DNTTIP1: variants seen among roughly 807,000 people sequenced by gnomAD.
DNTTIP1 encodes the protein deoxynucleotidyltransferase terminal interacting protein 1, also known as deoxynucleotidyltransferase terminal-interacting protein 1.
Under a neutral mutation model 52.9 loss-of-function variants are expected in DNTTIP1, and 22 were observed. That is an observed-to-expected ratio of 0.42 (90% CI 0.30 to 0.59). The LOEUF (loss-of-function observed/expected upper bound fraction) is 0.59. Among genes scored for constraint, DNTTIP1 ranks in the 20% least tolerant of loss-of-function variants. DNTTIP1 has a pLI of 0.22. For synonymous variants in DNTTIP1, 136 were observed against 155.1 expected (o/e 0.88, Z 0.92); for missense variants, 286 against 435.5 (o/e 0.66, Z 3.06).
At chr20:45,805,873 T>G (rs989647976) in intron 10 of DNTTIP1, among the ~76,000 whole-genome samples, 2 of 149,928 alleles carry the variant, frequency 1.3e-5, no homozygotes, top group Admixed American at 6.6e-5. Flanking sequence ...CACCTGAAGT[T>G]GGGAGTTCGA....
chr20:45,807,097 G>A (rs139310403), intron 10 of DNTTIP1, among the ~76,000 whole-genome samples: 128 of 151,720 alleles, frequency 8.4e-4, no homozygotes, highest in Non-Finnish European at 1.5e-3. Context: ...TTTTTGTCCT[G>A]TATAAAATGA....
At position 45,803,390 on chromosome 20, in the gene DNTTIP1, T is replaced by C. The variant is rs1210118980; in HGVS notation, c.603+12T>C. 2 of 1,614,060 alleles carry C rather than the reference T, an allele frequency of 1.2e-6. No individual in the cohort carries two copies. Among genetic ancestry groups the C allele is most frequent in the Non-Finnish European group, 1.7e-6 (2 of 1,179,980 alleles). The stretch of plus-strand genomic sequence containing the variant: ...GGGAAGGCCCCAAGGTATGATTATG[T>C]GAGCATGGCAGAGATCACGATCCCA... On this transcript the variant is annotated intron_variant, in intron 8 of 12. Transcript: ENST00000372622.
chr20:45,801,060 C>T lies in DNTTIP1; in HGVS notation c.373-14C>T, dbSNP rs753989367. On this transcript the variant is annotated splice_polypyrimidine_tract_variant and intron_variant, in intron 4 of 12. Transcript: ENST00000372622. The stretch of plus-strand genomic sequence containing the variant: ...AAAATAGTGACTGGTAACACTTGGT[C>T]TTTTTCCCTTCAGGCTAAACTGCTC... 6.2e-7 allele frequency: 1 copy of T among 1,612,716 alleles called. No homozygotes were observed. Among genetic ancestry groups the T allele is most frequent in the Non-Finnish European group, 8.5e-7 (1 of 1,179,192 alleles).
chr20:45,801,687 C>T (rs1018909979), intron 6 of DNTTIP1, among the ~76,000 whole-genome samples: 2 of 152,126 alleles, frequency 1.3e-5, no homozygotes, highest in Non-Finnish European at 2.9e-5. Context: ...ACATGAGAGG[C>T]TGCAGTGGGA....
In DNTTIP1 at chr20:45,811,258, G is replaced by A. The variant is rs6104353; in HGVS notation, c.*63G>A. The A allele has an allele frequency of 1.9e-6, 3 of 1,541,418 alleles. No individual in the cohort carries two copies. In the African/African-American group the frequency reaches 4.1e-5, roughly 21 times the overall value. ...AAAGCCCTCTTCCTCACGTGGCTGAGGCCACCGCTGGGACTGCTCCTAGAT... is the reference window on the plus strand; with the variant it reads ...AAAGCCCTCTTCCTCACGTGGCTGAAGCCACCGCTGGGACTGCTCCTAGAT... On this transcript the variant is annotated 3_prime_UTR_variant, in exon 13 of 13. Transcript: ENST00000372622.
intron 8 of DNTTIP1, 74 bp from the exon 9 acceptor site, chr20:45,805,072 T>C (rs1969737468): frequency 5.5e-6 from 7 of 1,274,746 alleles, no homozygotes; most frequent in Middle Eastern, 2.1e-4. Flanking sequence ...TAGAAAAGGG[T>C]AGGGGGAGGA....
At chr20:45,795,508 G>T in intron 4 of DNTTIP1, 65 bp downstream of exon 4, 1 of 1,031,732 alleles carries the variant, frequency 9.7e-7, no homozygotes. Context: ...GATAAGAAAT[G>T]CGATCTTAAG....
At position 45,795,340 on chromosome 20, in the gene DNTTIP1, C is replaced by T. The variant is rs1052396709; in HGVS notation, c.274-5C>T. 6.3e-7 allele frequency: 1 copy of T among 1,597,522 alleles called. No homozygotes were observed. The highest frequency in any genetic ancestry group is 1.7e-5 in the Admixed American group (1 of 58,900). On this transcript the variant is annotated splice_region_variant and splice_polypyrimidine_tract_variant and intron_variant, in intron 3 of 12. Coordinates refer to ENST00000372622, the MANE Select transcript of DNTTIP1 (RefSeq NM_052951.3). ...CTGACCTTGTCCTCTGTTGTGCTCC[C>T]CTAGTTCTTCCAGAAGGCAGCACTG...
chr20:45,801,287 G>C (rs1364877213), intron 5 of DNTTIP1, 115 bp from the exon 6 acceptor site: 2 of 1,429,358 alleles, frequency 1.4e-6, no homozygotes, highest in Non-Finnish European at 2.0e-6. Context: ...GGCTTCTTTG[G>C]CCTGGGTCAG....
intron 10 of DNTTIP1, among the ~76,000 whole-genome samples, chr20:45,808,149 C>A (rs1479093995): frequency 6.6e-6 from 1 of 152,076 alleles, no homozygotes; most frequent in Non-Finnish European, 1.5e-5. Context: ...AGTTCAAAAC[C>A]AGCCTGGCCA....
At chr20:45,796,512 C>T (rs1981244553) in intron 4 of DNTTIP1, 1 of 470,996 alleles carries the variant, frequency 2.1e-6, no homozygotes, top group African/African-American at 2.0e-5. Flanking sequence ...GGATGAGCAC[C>T]CTGCTGCCTC....
At chr20:45,796,883 C>T (rs1188872751) in intron 4 of DNTTIP1, among the ~76,000 whole-genome samples, 2 of 152,124 alleles carry the variant, frequency 1.3e-5, no homozygotes, top group African/African-American at 4.8e-5. Flanking sequence ...TTGGAATGCT[C>T]CTCTGTTGGC....
At chr20:45,798,562 TCA>T (rs1303914185) in intron 4 of DNTTIP1, among the ~76,000 whole-genome samples, 1 of 152,134 alleles carries the variant, frequency 6.6e-6, no homozygotes, top group Non-Finnish European at 1.5e-5. Context: ...TCATTTCATC[TCA>T]CCTCTTTTTT....
chr20:45,792,555 G>A (rs2145695339), intron 1 of DNTTIP1, 122 bp from the exon 2 acceptor site: 1 of 734,208 alleles, frequency 1.4e-6, no homozygotes, highest in East Asian at 2.9e-5. Flanking sequence ...CCCCAAGGCG[G>A]GAGAGATGGT....
At chr20:45,807,121 C>T (rs530700816) in intron 10 of DNTTIP1, among the ~76,000 whole-genome samples, 2 of 151,568 alleles carry the variant, frequency 1.3e-5, no homozygotes, top group African/African-American at 4.9e-5. Flanking sequence ...TAGTGATAGA[C>T]CAACCATTTT....
chr20:45,807,360 G>T (rs1981683399), intron 10 of DNTTIP1, among the ~76,000 whole-genome samples: 1 of 152,012 alleles, frequency 6.6e-6, no homozygotes, highest in African/African-American at 2.4e-5. Flanking sequence ...GAGCTCAGAT[G>T]ATCCACAGCC....
intron 4 of DNTTIP1, among the ~76,000 whole-genome samples, chr20:45,797,964 C>T (rs1981297160): frequency 6.6e-6 from 1 of 152,136 alleles, no homozygotes; most frequent in African/African-American, 2.4e-5. Context: ...CCATTTGACC[C>T]AGCCATCCCA....
At chr20:45,801,591 C>A in intron 6 of DNTTIP1, 133 bp downstream of exon 6, 1 of 898,402 alleles carries the variant, frequency 1.1e-6, no homozygotes, top group Non-Finnish European at 1.8e-6. Context: ...AGTTTTGAGA[C>A]CAGTCTGGGT....
At position 45,799,875 on chromosome 20, in the gene DNTTIP1, A is replaced by C. The variant is rs376001194; in HGVS notation, c.373-1199A>C. On this transcript the variant is annotated intron_variant, in intron 4 of 12. Coordinates refer to ENST00000372622, the MANE Select transcript of DNTTIP1 (RefSeq NM_052951.3). ...GTAATCCCAACACTTTGGGAGGCTG[A>C]GGCGGGCAGATCACGAGGTCAGAAG... 1.3e-4 allele frequency among the ~76,000 whole-genome samples: 19 copies of C among 146,464 alleles called. No homozygotes were observed. In the East Asian group the frequency reaches 3.7e-3, roughly 29 times the overall value.
Sources: allele counts gnomAD v4.1 joint callset (sites outside exome capture counted in the v4.1 genomes callset), GRCh38; gene constraint gnomAD v4.1.1; transcripts MANE v1.5; gene names NCBI Gene and HGNC (gene_info 2026-07-23, HGNC 2026-07-21).